The following COL26A1 variants were observed in gnomAD, a reference collection of about 807,000 sequenced individuals.
COL26A1 encodes collagen type XXVI alpha 1 chain.
COL26A1 carries 41 observed loss-of-function variants against 59.3 expected under a neutral mutation model. The observed-to-expected ratio is 0.69, with a 90% CI of 0.54 to 0.90. The LOEUF is 0.90. Among genes scored for constraint, COL26A1 ranks in the 40% least tolerant of loss-of-function variants. The pLI, the probability that COL26A1 is intolerant of heterozygous loss-of-function variation, is 0.00. For synonymous variants in COL26A1, 266 were observed against 256.0 expected, an observed-to-expected ratio of 1.04 and a Z score of -0.37; for missense variants, 612 against 602.3, an observed-to-expected ratio of 1.02 and a Z score of -0.17.
intron 2 of COL26A1, among the ~76,000 whole-genome samples, chr7:101,442,921 G>T (rs1044747924): frequency 6.7e-6 from 1 of 150,102 alleles, no homozygotes; most frequent in Non-Finnish European, 1.5e-5. Flanking sequence ...GTGTGAGAGA[G>T]CAAATGAGTG....
intron 3 of COL26A1, among the ~76,000 whole-genome samples, chr7:101,460,086 A>T (rs191279980): frequency 5.3e-5 from 8 of 152,238 alleles, no homozygotes; most frequent in Non-Finnish European, 8.8e-5. Flanking sequence ...CTTGCCTTCC[A>T]TAGCTGTCAT....
chr7:101,525,704 G>T (rs902235966), intron 3 of COL26A1, among the ~76,000 whole-genome samples: 2 of 151,902 alleles, frequency 1.3e-5, no homozygotes, highest in Non-Finnish European at 2.9e-5. Flanking sequence ...CACTGTGTTA[G>T]CCAGGATGGT....
At chr7:101,489,812 TTC>T (rs1465611953) in intron 3 of COL26A1, among the ~76,000 whole-genome samples, 1 of 4,070 alleles carries the variant, frequency 2.5e-4, no homozygotes, top group South Asian at 7.7e-3. Context: ...CTTTCTTTCT[TTC>T]TTTCTTTCTT....
At chr7:101,425,705 G>A (rs767903996) in intron 2 of COL26A1, among the ~76,000 whole-genome samples, 10 of 151,738 alleles carry the variant, frequency 6.6e-5, no homozygotes, top group Non-Finnish European at 1.5e-4. Flanking sequence ...GTTTCACCAT[G>A]TTGGCCATGT....
chr7:101,395,952 G>A (rs1231995096), intron 1 of COL26A1, among the ~76,000 whole-genome samples: 1 of 152,032 alleles, frequency 6.6e-6, no homozygotes, highest in Non-Finnish European at 1.5e-5. Context: ...GTTCACATCC[G>A]GCCCTTGCTT....
intron 1 of COL26A1, among the ~76,000 whole-genome samples, chr7:101,404,546 G>C (rs931907225): frequency 1.3e-5 from 2 of 152,110 alleles, no homozygotes; most frequent in African/African-American, 4.8e-5. Context: ...CAATAGCACC[G>C]ATATGAATGT....
chr7:101,421,173 G>A (rs1792510529), intron 2 of COL26A1, among the ~76,000 whole-genome samples: 1 of 152,182 alleles, frequency 6.6e-6, no homozygotes, highest in Non-Finnish European at 1.5e-5. Context: ...TGATTATGGA[G>A]ACTGGCGATT....
intron 1 of COL26A1, among the ~76,000 whole-genome samples, chr7:101,378,159 C>G (rs1005749137): frequency 7.2e-5 from 11 of 152,058 alleles, no homozygotes; most frequent in African/African-American, 1.9e-4. Context: ...GCAGGTGGAT[C>G]ACCTTAGGTA....
Position 101,489,662 on chromosome 7 carries a change from TTCCTTCCTTCCTTCCTTCCTTTCTTTC to T in COL26A1, c.385+41877_385+41903del, listed in dbSNP as rs1794353628. Among the ~76,000 whole-genome samples, 4 of 53,740 alleles carry T rather than the reference TTCCTTCCTTCCTTCCTTCCTTTCTTTC, an allele frequency of 7.4e-5. No homozygotes were observed. In the African/African-American group the frequency reaches 7.9e-4, roughly 11 times the overall value. 35.3% of individuals were successfully genotyped at this position (53,740 alleles called of 152,430 possible). A position where few individuals can be genotyped will look rare whatever the true frequency, so the allele number is the denominator to read the frequency against. On this transcript the variant is annotated intron_variant, in intron 3 of 12. Coordinates refer to ENST00000313669, the MANE Select transcript of COL26A1 (RefSeq NM_001278563.3). The stretch of plus-strand genomic sequence containing the variant: ...CTTTCTTTCTTTCTTTCTTTCTTTC[TTCCTTCCTTCCTTCCTTCCTTTCTTTC>T]TTTCTTTCTGTCTTTCTTTCTTTCA...
chr7:101,481,507 A>G (rs1208703752), intron 3 of COL26A1, among the ~76,000 whole-genome samples: 1 of 151,496 alleles, frequency 6.6e-6, no homozygotes, highest in Non-Finnish European at 1.5e-5. Flanking sequence ...GCTGGAGTGC[A>G]TGGCACGGTC....
At chr7:101,368,852 C>T (rs1791110986) in intron 1 of COL26A1, among the ~76,000 whole-genome samples, 1 of 150,756 alleles carries the variant, frequency 6.6e-6, no homozygotes, top group Non-Finnish European at 1.5e-5. Context: ...TGCTAGAATA[C>T]TTATAATTTC....
intron 7 of COL26A1, 78 bp downstream of exon 7, chr7:101,545,568 T>C: frequency 4.8e-6 from 7 of 1,460,108 alleles, no homozygotes; most frequent in Non-Finnish European, 6.4e-6. Flanking sequence ...CCTTAAAGGA[T>C]CCTGGGAAGT....
chr7:101,510,575 C>G (rs1794900890), intron 3 of COL26A1, among the ~76,000 whole-genome samples: 1 of 152,078 alleles, frequency 6.6e-6, no homozygotes, highest in Non-Finnish European at 1.5e-5. Context: ...GGGGCTGAGT[C>G]AGGCTCACTG....
At chr7:101,489,459 C>T (rs777879196) in intron 3 of COL26A1, among the ~76,000 whole-genome samples, 1 of 152,156 alleles carries the variant, frequency 6.6e-6, no homozygotes, top group Non-Finnish European at 1.5e-5. Flanking sequence ...GATCCAGACG[C>T]CAAGAGAGGA....
At chr7:101,483,675 C>CTTTTTT (rs34954444) in intron 3 of COL26A1, among the ~76,000 whole-genome samples, 1 of 147,724 alleles carries the variant, frequency 6.8e-6, no homozygotes. Flanking sequence ...GTCCAGCTAA[C>CTTTTTT]TTTGTTTTTT....
chr7:101,389,050 C>A, intron 1 of COL26A1: 1 of 246,458 alleles, frequency 4.1e-6, no homozygotes, highest in East Asian at 1.0e-4. Context: ...ACCTTGCCAC[C>A]AGAATCAGCC....
At chr7:101,362,869 G>A (rs1309447013), upstream of COL26A1, 3 of 653,778 alleles carry the variant, frequency 4.6e-6, no homozygotes, top group East Asian at 3.3e-5. Flanking sequence ...CCGGAGAGGC[G>A]TGGGCGCCCC....
chr7:101,385,587 T>G (rs1055918007), intron 1 of COL26A1, among the ~76,000 whole-genome samples: 1 of 152,054 alleles, frequency 6.6e-6, no homozygotes, highest in Non-Finnish European at 1.5e-5. Context: ...GCCAGGCTGG[T>G]CTCGAACTCC....
intron 2 of COL26A1, among the ~76,000 whole-genome samples, chr7:101,423,878 C>G (rs1355442825): frequency 6.6e-6 from 1 of 152,148 alleles, no homozygotes; most frequent in Non-Finnish European, 1.5e-5. Context: ...TCCCCTTTGC[C>G]TATAACATAT....
Sources: allele counts gnomAD v4.1 joint callset (sites outside exome capture counted in the v4.1 genomes callset), GRCh38; gene constraint gnomAD v4.1.1; transcripts MANE v1.5; gene names NCBI Gene and HGNC (gene_info 2026-07-23, HGNC 2026-07-21).